The following UNG variants were observed in gnomAD, a reference collection of about 807,000 sequenced individuals.
UNG encodes uracil DNA glycosylase.
Under a neutral mutation model 36.5 loss-of-function variants are expected in UNG, and 34 were observed. That is an observed-to-expected ratio of 0.93 (90% CI 0.71 to 1.24). UNG has a LOEUF of 1.24. Ranked by LOEUF, UNG falls within the 50% of genes most tolerant of loss-of-function variation. UNG has a pLI of 0.00. For missense variants in UNG, 391 were observed against 397.6 expected (o/e 0.98, Z 0.14); for synonymous variants, 172 against 157.8 (o/e 1.09, Z -0.67).
chr12:109,098,264 A>G lies in UNG; in HGVS notation c.133-168A>G, dbSNP rs966550929. On this transcript the variant is annotated intron_variant, in intron 1 of 6. Coordinates refer to ENST00000242576, the MANE Select transcript of UNG (RefSeq NM_080911.3). ...GCTCCAGTTTAGAACCTAATTCCCA[A>G]TTCCCGGACCGGGCCCAGCCCTGGG... The G allele has an allele frequency of 1.4e-5, 21 of 1,521,782 alleles. No homozygotes were observed. In the East Asian group the frequency reaches 4.1e-4, roughly 30 times the overall value. 94.3% of individuals were successfully genotyped at this position (1,521,782 alleles called of 1,614,324 possible).
In UNG at chr12:109,110,220, G is replaced by T. The variant is rs2042250977; in HGVS notation, c.*251G>T. ...CTAAAATATGCAGAAGACAGATGAG[G>T]TCAAATACTCAGTTGGCTCTCTTTA... On this transcript the variant is annotated 3_prime_UTR_variant, in exon 7 of 7. Coordinates refer to ENST00000242576, the MANE Select transcript of UNG (RefSeq NM_080911.3). 1.9e-6 allele frequency: 1 copy of T among 537,902 alleles called. No homozygotes were observed. Among genetic ancestry groups the T allele is most frequent in the African/African-American group, 1.9e-5 (1 of 52,604 alleles). 33.3% of individuals were successfully genotyped at this position (537,902 alleles called of 1,614,324 possible). A position where few individuals can be genotyped will look rare whatever the true frequency, so the allele number is the denominator to read the frequency against.
chr12:109,098,018 C>A, intron 1 of UNG: 1 of 1,291,134 alleles, frequency 7.7e-7, no homozygotes, highest in Non-Finnish European at 1.0e-6. Flanking sequence ...CGTCTCGGGG[C>A]CCATGGCGCC....
intron 5 of UNG, 97 bp from the exon 6 acceptor site, chr12:109,103,336 A>G: frequency 2.6e-6 from 3 of 1,168,940 alleles, no homozygotes; most frequent in South Asian, 2.6e-5. Context: ...ACTGGATCCC[A>G]TCAAGCATTG....
At chr12:109,098,662 A>G (rs774712936) in intron 2 of UNG, 24 bp downstream of exon 2, 2 of 1,613,326 alleles carry the variant, frequency 1.2e-6, no homozygotes, top group South Asian at 1.1e-5. Context: ...TGCACCTTCC[A>G]TAAGGGTAAA....
chr12:109,100,076 A>C (rs956190904), intron 3 of UNG, among the ~76,000 whole-genome samples: 2 of 152,000 alleles, frequency 1.3e-5, no homozygotes, highest in African/African-American at 2.4e-5. Context: ...CAAAAAAAAA[A>C]CCGTGGCTTC....
chr12:109,106,153 C>G (rs935381860), intron 6 of UNG, among the ~76,000 whole-genome samples: 27 of 152,224 alleles, frequency 1.8e-4, no homozygotes, highest in African/African-American at 6.3e-4. Context: ...TGCATGACTT[C>G]TTATCACACT....
chr12:109,102,663 C>T (rs191332403), intron 4 of UNG, among the ~76,000 whole-genome samples, 176 bp from the exon 5 acceptor site: 32 of 152,274 alleles, frequency 2.1e-4, no homozygotes, highest in Middle Eastern at 6.8e-3. Context: ...GGCAGAGTCA[C>T]CTGTTAGAAG....
At position 109,109,978 on chromosome 12, in the gene UNG, T is replaced by C; in HGVS notation, c.*9T>C. 2 of 1,614,144 alleles carry C rather than the reference T, an allele frequency of 1.2e-6. No homozygotes were observed. Among genetic ancestry groups the C allele is most frequent in the African/African-American group, 1.3e-5 (1 of 75,048 alleles). Reference sequence around the variant, plus strand: ...ACTGGAAGGAGCTGTGATCATCAGCTGAGGGGTGGCCTTTGAGAAGCTGCT... The same window carrying C: ...ACTGGAAGGAGCTGTGATCATCAGCCGAGGGGTGGCCTTTGAGAAGCTGCT... On this transcript the variant is annotated 3_prime_UTR_variant, in exon 7 of 7. Coordinates refer to ENST00000242576, the MANE Select transcript of UNG (RefSeq NM_080911.3).
intron 6 of UNG, among the ~76,000 whole-genome samples, chr12:109,108,004 T>G (rs1482920451): frequency 6.6e-6 from 1 of 152,204 alleles, no homozygotes; most frequent in African/African-American, 2.4e-5. Flanking sequence ...TTTTCTAAAG[T>G]TTTTAAAAAA....
In UNG at chr12:109,103,490, A is replaced by G; in HGVS notation, c.680A>G (p.Lys227Arg). 10 of 1,614,206 alleles carry G rather than the reference A, an allele frequency of 6.2e-6. No homozygotes were observed. The highest frequency in any genetic ancestry group is 8.5e-6 in the Non-Finnish European group (10 of 1,180,036). ...CGTGCCCATCAAGCCAACTCTCATA[A>G]GGAGCGAGGCTGGGAGCAGTTCACT... is the stretch of plus-strand genomic sequence containing the variant. ...TVRAHQANSH[K>R]ERGWEQFTDA... The change falls in exon 6 of 7, where the codon AAG (lysine) becomes AGG (arginine). Residue 227 changes from lysine (K) to arginine (R), a missense_variant. Transcript: ENST00000242576.
At chr12:109,097,893 C>A (rs1054275430) in intron 1 of UNG, 82 bp downstream of exon 1, 2 of 1,421,910 alleles carry the variant, frequency 1.4e-6, no homozygotes, top group Non-Finnish European at 1.8e-6. Context: ...CGTGCAGGAT[C>A]GCGCCTCTGA....
At position 109,097,635 on chromosome 12, in the gene UNG, G is replaced by C; in HGVS notation, c.-45G>C. The C allele has an allele frequency of 6.3e-7, 1 of 1,592,000 alleles. No homozygotes were observed. Reference sequence around the variant, plus strand: ...CACAGCCACAGCCAGGGCTAGCCTCGCCGGTTCCCGGGTGGCGCGCGTTCG... The same window carrying C: ...CACAGCCACAGCCAGGGCTAGCCTCCCCGGTTCCCGGGTGGCGCGCGTTCG... On this transcript the variant is annotated 5_prime_UTR_variant, in exon 1 of 7. Coordinates refer to ENST00000242576, the MANE Select transcript of UNG (RefSeq NM_080911.3).
In UNG at chr12:109,098,325, A is replaced by C. The variant is rs745453513; in HGVS notation, c.133-107A>C. 5 of 1,599,066 alleles carry C rather than the reference A, an allele frequency of 3.1e-6. 1 individual carries two copies. The South Asian group carries it at 5.5e-5, about 18-fold the overall frequency. On this transcript the variant is annotated intron_variant, in intron 1 of 6. Coordinates refer to ENST00000242576, the MANE Select transcript of UNG (RefSeq NM_080911.3). ...CCGCTTTTGCTGGGACCTGTTCCAC[A>C]AATGGGCGTCTTCTGCCTTGGGCCG... is the stretch of plus-strand genomic sequence containing the variant.
At chr12:109,098,193 C>G (rs1453021184) in intron 1 of UNG, 2 of 1,426,184 alleles carry the variant, frequency 1.4e-6, no homozygotes, top group Non-Finnish European at 1.8e-6. Context: ...CCAGTCACCG[C>G]GACGCTCCTC....
chr12:109,098,359 G>A (rs2042149004), intron 1 of UNG, 73 bp from the exon 2 acceptor site: 2 of 1,602,988 alleles, frequency 1.2e-6, no homozygotes, highest in Admixed American at 1.7e-5. Context: ...CGTGGGGGTT[G>A]GGCCGGAAGC....
rs886048910 is a variant in UNG, at chr12:109,110,506, G to A, written c.*537G>A. The A allele has an allele frequency of 4.9e-5, 8 of 164,412 alleles. No homozygotes were observed. In the East Asian group the frequency reaches 1.2e-3, roughly 24 times the overall value. The allele number at this position is 164,412 out of a possible 1,614,324, so 10.2% of individuals were successfully genotyped here. A position where few individuals can be genotyped will look rare whatever the true frequency, so the allele number is the denominator to read the frequency against. On this transcript the variant is annotated 3_prime_UTR_variant, in exon 7 of 7. Transcript: ENST00000242576. ...ATGTTTTGCAACTTTCCAGAATCTG[G>A]CCCAGAAATTAGGGCTCAATTTCCT...
At chr12:109,107,657 C>G (rs2042228185) in intron 6 of UNG, among the ~76,000 whole-genome samples, 2 of 151,070 alleles carry the variant, frequency 1.3e-5, no homozygotes, top group African/African-American at 4.9e-5. Context: ...TCCTGAGTAG[C>G]TGGGATTACA....
At position 109,107,132 on chromosome 12, in the gene UNG, C is replaced by T. The variant is rs546916533; in HGVS notation, c.802-2697C>T. Among the ~76,000 whole-genome samples, 3 of 151,148 alleles carry T rather than the reference C, an allele frequency of 2.0e-5. No homozygotes were observed. The East Asian group carries it at 5.9e-4, about 30-fold the overall frequency. ...TTGTGTAAAGATGCCCTGTGGTGTA[C>T]GGATAGCAGTGAAATTGCCTAACAA... On this transcript the variant is annotated intron_variant, in intron 6 of 6. Coordinates refer to ENST00000242576, the MANE Select transcript of UNG (RefSeq NM_080911.3).
At chr12:109,103,880 G>A (rs3219238) in intron 6 of UNG, among the ~76,000 whole-genome samples, 2 of 152,198 alleles carry the variant, frequency 1.3e-5, no homozygotes, top group African/African-American at 4.8e-5. Flanking sequence ...CATGAACTTG[G>A]TGTCTACAAG....
Sources: gnomAD v4.1 joint callset for allele counts (sites outside exome capture counted in the v4.1 genomes callset) on GRCh38, gnomAD v4.1.1 for gene constraint, MANE v1.5 for transcripts, NCBI Gene and HGNC (gene_info 2026-07-23, HGNC 2026-07-21) for gene names.